AKAP11: variants seen among roughly 807,000 people sequenced by gnomAD.
The protein encoded by AKAP11 is A-kinase anchor protein 11.
In AKAP11, 36 loss-of-function variants were observed where a neutral mutation model predicts 146.1. The observed-to-expected ratio is 0.25, with a 90% CI of 0.19 to 0.33. AKAP11 has a LOEUF of 0.33. Ranked by LOEUF, AKAP11 falls within the 10% of genes least tolerant of loss-of-function variation. AKAP11 has a pLI of 1.00. For synonymous variants in AKAP11, 780 were observed against 786.5 expected, an observed-to-expected ratio of 0.99 and a Z score of 0.14; for missense variants, 2,201 against 2,197.0, an observed-to-expected ratio of 1.00 and a Z score of -0.04.
At chr13:42,297,523 T>A (rs1028803284) in intron 6 of AKAP11, among the ~76,000 whole-genome samples, 2 of 151,988 alleles carry the variant, frequency 1.3e-5, no homozygotes, top group African/African-American at 4.8e-5. Context: ...ATGGCCAATT[T>A]CAAATTTATA....
rs1354366803 is a variant in AKAP11 at position 42,313,134 on chromosome 13, G to A, written c.5357+4G>A. 2 of 1,607,434 alleles carry A rather than the reference G, an allele frequency of 1.2e-6. No homozygotes were observed. The highest frequency in any genetic ancestry group is 1.1e-5 in the South Asian group (1 of 90,052). On this transcript the variant is annotated splice_donor_region_variant and intron_variant, in intron 10 of 12. Coordinates refer to ENST00000025301, the MANE Select transcript of AKAP11 (RefSeq NM_016248.4). ...TATCCTTTCCAACATCAGACAGGTT[G>A]GTCCAGTCTAGAAACTTAAAAACTG...
In AKAP11 at chr13:42,301,991, G is replaced by A. The variant is rs150773395; in HGVS notation, c.3245G>A (p.Gly1082Asp). 4.3e-6 allele frequency: 7 copies of A among 1,612,540 alleles called. No individual in the cohort carries two copies. The Admixed American group carries it at 1.2e-4, about 27-fold the overall frequency. ...TCTACAGCACTTACCTGTGTAGATG[G>A]TTTGCATGTGGAAGATAAACAGAAA... ...FSSTALTCVDGLHVEDKQKVR... is the reference protein window; with the variant it reads ...FSSTALTCVDDLHVEDKQKVR... Residue 1082 changes from glycine to aspartate, a missense_variant, in exon 8 of 13, where the codon GGT becomes GAT. By Grantham distance (94) the Gly-to-Asp change is moderately conservative (BLOSUM62 -1). Around this residue, in one of 3 missense-constraint regions of AKAP11, gnomAD observed 1,867 missense variants for 1,833.5 expected, o/e 1.02. Transcript: ENST00000025301.
At position 42,301,350 on chromosome 13, in the gene AKAP11, T is replaced by A. The variant is rs1186371769; in HGVS notation, c.2604T>A (p.Asp868Glu). 2 of 1,613,996 alleles carry A rather than the reference T, an allele frequency of 1.2e-6. No individual in the cohort carries two copies. The highest frequency in any genetic ancestry group is 1.7e-5 in the Admixed American group (1 of 60,004). ...AGAGTTCCTCAAAATTACCAAATGA[T>A]CCTGCAATTATTAGCAACTTTTCTG... The part of the protein sequence containing the change: ...EMQSSSKLPN[D>E]PAIISNFSAA... The change falls in exon 8 of 13, where the codon GAT becomes GAA. Residue 868 changes from aspartate (D) to glutamate (E), a missense_variant. Asp to Glu is a conservative substitution (Grantham distance 45, BLOSUM62 2). Coordinates refer to ENST00000025301, the MANE Select transcript of AKAP11 (RefSeq NM_016248.4).
At chr13:42,304,111 T>C (rs1192664518) in intron 8 of AKAP11, among the ~76,000 whole-genome samples, 1 of 152,198 alleles carries the variant, frequency 6.6e-6, no homozygotes, top group Non-Finnish European at 1.5e-5. Context: ...GAGAAAATAA[T>C]CACCTTATCC....
chr13:42,292,118 C>T (rs566343810), intron 3 of AKAP11, among the ~76,000 whole-genome samples: 1 of 152,206 alleles, frequency 6.6e-6, no homozygotes, highest in South Asian at 2.1e-4. Context: ...AGTAAGTGAA[C>T]CTGGTATGAG....
At chr13:42,295,841 C>G in intron 5 of AKAP11, 99 bp downstream of exon 5, 1 of 1,057,212 alleles carries the variant, frequency 9.5e-7, no homozygotes, top group Non-Finnish European at 1.4e-6. Flanking sequence ...TTGCAAACCG[C>G]AGACTGACTT....
rs1959986764 is a variant in AKAP11 at position 42,302,474 on chromosome 13, C to T, written c.3728C>T (p.Pro1243Leu). ...GTGCAAAGTCAAAGAAGTGTGTCGC[C>T]TACTTTTTTAAACCCCTCAGACGAA... ...LNVQSQRSVS[P>L]TFLNPSDENL... The change falls in exon 8 of 13, where the codon CCT becomes CTT. Residue 1243 changes from proline (P) to leucine (L), a missense_variant. Physicochemically the swap from Pro to Leu is moderately conservative, Grantham distance 98 (BLOSUM62 -3). This residue lies in a region of AKAP11 where 1,867 missense variants were observed against 1,833.5 expected (regional missense o/e 1.02). Coordinates refer to ENST00000025301, the MANE Select transcript of AKAP11 (RefSeq NM_016248.4). 10 of 1,614,016 alleles carry T rather than the reference C, an allele frequency of 6.2e-6. No homozygotes were observed. The highest frequency in any genetic ancestry group is 2.7e-5 in the African/African-American group (2 of 74,924).
chr13:42,295,349 G>A (rs78278808), intron 4 of AKAP11, among the ~76,000 whole-genome samples: 5,426 of 152,298 alleles, frequency 0.036, 131 homozygotes, highest in Non-Finnish European at 0.056. Flanking sequence ...GCATGGAGGA[G>A]TTTGAATAGG....
chr13:42,308,827 T>C (rs1960413733), intron 9 of AKAP11, among the ~76,000 whole-genome samples: 1 of 152,222 alleles, frequency 6.6e-6, no homozygotes, highest in Non-Finnish European at 1.5e-5. Flanking sequence ...AATAGTTGAT[T>C]TGAAAAATAT....
intron 1 of AKAP11, among the ~76,000 whole-genome samples, chr13:42,274,749 A>G (rs995112688): frequency 2.0e-5 from 3 of 150,392 alleles, no homozygotes; most frequent in Admixed American, 6.5e-5. Context: ...GAGACTGGAC[A>G]TGGTAAAAGG....
chr13:42,312,315 T>A (rs1441382114), intron 9 of AKAP11, among the ~76,000 whole-genome samples: 5 of 152,212 alleles, frequency 3.3e-5, no homozygotes, highest in African/African-American at 1.2e-4. Context: ...GTAGTTGCTT[T>A]CTTCTTCAGT....
intron 9 of AKAP11, among the ~76,000 whole-genome samples, 175 bp downstream of exon 9, chr13:42,308,784 T>C (rs1960411469): frequency 6.6e-6 from 1 of 152,220 alleles, no homozygotes; most frequent in South Asian, 2.1e-4. Flanking sequence ...TTTAATACAG[T>C]AAGTAGCCCA....
chr13:42,289,909 C>T (rs1566262691), intron 3 of AKAP11, among the ~76,000 whole-genome samples: 1 of 152,106 alleles, frequency 6.6e-6, no homozygotes, highest in Non-Finnish European at 1.5e-5. Context: ...GTACAATGAG[C>T]ACCTCATATA....
chr13:42,307,173 T>C (rs117902080), intron 8 of AKAP11, among the ~76,000 whole-genome samples: 8 of 152,146 alleles, frequency 5.3e-5, no homozygotes, highest in Non-Finnish European at 1.0e-4. Context: ...TATCAATGGT[T>C]CAGAACTATA....
chr13:42,311,925 G>C (rs913099751), intron 9 of AKAP11, among the ~76,000 whole-genome samples: 1 of 152,088 alleles, frequency 6.6e-6, no homozygotes, highest in Admixed American at 6.5e-5. Flanking sequence ...CATGATTTGT[G>C]ACAGTTTGAT....
rs1271601577 is a variant in AKAP11 at position 42,303,466 on chromosome 13, A to T, written c.4720A>T (p.Thr1574Ser). The part of the protein sequence containing the change: ...SETTKSADRV[T>S]YAEKLSPLTG... ...GACCACAAAATCAGCAGACAGGGTC[A>T]CTTATGCAGAAAAGTTGTCACCTCT... Residue 1574 changes from threonine to serine, a missense_variant, in exon 8 of 13, where the codon ACT (threonine) becomes TCT (serine). Thr to Ser is a moderately conservative substitution (Grantham distance 58). This residue lies in a region of AKAP11 where 1,867 missense variants were observed against 1,833.5 expected (regional missense o/e 1.02). Coordinates refer to ENST00000025301, the MANE Select transcript of AKAP11 (RefSeq NM_016248.4). 3.1e-6 allele frequency: 5 copies of T among 1,614,232 alleles called. No homozygotes were observed. The East Asian group carries it at 1.1e-4, about 36-fold the overall frequency.
Position 42,301,538 on chromosome 13 carries a change from C to G in AKAP11, c.2792C>G (p.Ala931Gly), listed in dbSNP as rs773461407. ...CAGGCAGTGCTGCAATGCAGTGAAG[C>G]TAGTAGCAATAAGGACATGTTTGCT... Reference protein sequence around the residue: ...CDQAVLQCSEASSNKDMFADR... With the variant: ...CDQAVLQCSEGSSNKDMFADR... The change falls in exon 8 of 13, where the codon GCT becomes GGT. Residue 931 changes from alanine to glycine, a missense_variant. Physicochemically the swap from Ala to Gly is moderately conservative, Grantham distance 60. Transcript: ENST00000025301. The G allele has an allele frequency of 1.2e-6, 2 of 1,614,070 alleles. No individual in the cohort carries two copies. Among genetic ancestry groups the G allele is most frequent in the Non-Finnish European group, 1.7e-6 (2 of 1,179,964 alleles).
intron 3 of AKAP11, among the ~76,000 whole-genome samples, 162 bp from the exon 4 acceptor site, chr13:42,292,223 G>A (rs1014291661): frequency 6.6e-6 from 1 of 152,154 alleles, no homozygotes; most frequent in Admixed American, 6.5e-5. Flanking sequence ...CAGCTGAATG[G>A]AGCTTTTCTT....
chr13:42,289,942 G>A (rs1423827162), intron 3 of AKAP11, among the ~76,000 whole-genome samples: 1 of 151,930 alleles, frequency 6.6e-6, no homozygotes, highest in Non-Finnish European at 1.5e-5. Flanking sequence ...ATTCACCCTC[G>A]GTTAGCATCA....
Sources: gnomAD v4.1 joint callset for allele counts (sites outside exome capture counted in the v4.1 genomes callset) on GRCh38, gnomAD v4.1.1 for gene constraint, gnomAD v4.1.1 regional missense constraint, MANE v1.5 for transcripts, NCBI Gene and HGNC (gene_info 2026-07-23, HGNC 2026-07-21) for gene names.